SPANXN1: variants seen among roughly 807,000 people sequenced by gnomAD.
The protein encoded by SPANXN1 is SPANX family member N1, also known as sperm protein associated with the nucleus on the X chromosome N1.
A neutral mutation model predicts 2.0 loss-of-function variants in SPANXN1; 1 was observed. The ratio of observed to expected loss-of-function variants is 0.50; its 90% CI spans 0.18 to 2.36. SPANXN1 has a LOEUF of 2.36. SPANXN1 is among the 30% of genes most tolerant of loss of function. SPANXN1 has a pLI of 0.26. For synonymous variants in SPANXN1, 27 were observed against 21.3 expected, an observed-to-expected ratio of 1.27 and a Z score of -0.74; for missense variants, 55 against 51.8, an observed-to-expected ratio of 1.06 and a Z score of -0.19.
At chrX:145,253,687 C>A (rs1351454549) in intron 1 of SPANXN1, among the ~76,000 whole-genome samples, 1 of 110,853 alleles carries the variant, frequency 9.0e-6, no homozygotes, top group Admixed American at 9.6e-5. Flanking sequence ...CAGCTAGGGT[C>A]CCTATTGGGT....
chrX:145,255,413 G>A (rs2087829114), intron 1 of SPANXN1, among the ~76,000 whole-genome samples: 1 of 111,371 alleles, frequency 9.0e-6, no homozygotes, highest in African/African-American at 3.3e-5. Flanking sequence ...AACCCCCATG[G>A]GATGTTTCAC....
At chrX:145,252,426 C>T (rs1357699616) in intron 1 of SPANXN1, among the ~76,000 whole-genome samples, 1 of 110,991 alleles carries the variant, frequency 9.0e-6, no homozygotes, top group Non-Finnish European at 1.9e-5. Flanking sequence ...TAAGTCTTGT[C>T]TGTCTTCTGG....
At position 145,255,520 on chromosome X, in the gene SPANXN1, G is replaced by A; in HGVS notation, c.76-151G>A. ...CATGCTCCTCTTCTTCTTCCCCATA[G>A]ATCCCTACCCTATGATTCAACCTTG... On this transcript the variant is annotated intron_variant, in intron 1 of 1. Coordinates refer to ENST00000370493, the MANE Select transcript of SPANXN1 (RefSeq NM_001009614.3). The A allele has an allele frequency of 3.5e-6, 3 of 849,024 alleles. No individual in the cohort carries two copies. The Admixed American group carries it at 8.8e-5, about 25-fold the overall frequency. 70.0% of individuals were successfully genotyped at this position (849,024 alleles called of 1,213,427 possible).
At chrX:145,253,783 A>G (rs1402764294) in intron 1 of SPANXN1, among the ~76,000 whole-genome samples, 4 of 110,901 alleles carry the variant, frequency 3.6e-5, no homozygotes, top group African/African-American at 1.3e-4. Flanking sequence ...GGGTGAGGGT[A>G]GAGGAGAGGA....
intron 1 of SPANXN1, among the ~76,000 whole-genome samples, chrX:145,250,690 T>C (rs782532778): frequency 9.0e-6 from 1 of 111,444 alleles, no homozygotes; most frequent in Admixed American, 9.5e-5. Context: ...ATACAGGGTG[T>C]ATGCTGGAAA....
At chrX:145,253,842 G>C (rs1192146933) in intron 1 of SPANXN1, among the ~76,000 whole-genome samples, 1 of 111,354 alleles carries the variant, frequency 9.0e-6, no homozygotes, top group Non-Finnish European at 1.9e-5. Context: ...GGGAAGTACA[G>C]AAATTTCTTG....
At chrX:145,253,884 C>G (rs1480571674) in intron 1 of SPANXN1, among the ~76,000 whole-genome samples, 1 of 111,305 alleles carries the variant, frequency 9.0e-6, no homozygotes, top group Non-Finnish European at 1.9e-5. Context: ...GAAAAGGAGT[C>G]AAGTCTCTTT....
chrX:145,255,009 C>T (rs1449060313), intron 1 of SPANXN1, among the ~76,000 whole-genome samples: 1 of 109,801 alleles, frequency 9.1e-6, no homozygotes, highest in Non-Finnish European at 1.9e-5. Context: ...CAATCACCAA[C>T]CACTCCAGGT....
chrX:145,253,903 G>A (rs1556882780), intron 1 of SPANXN1, among the ~76,000 whole-genome samples: 1 of 111,427 alleles, frequency 9.0e-6, no homozygotes, highest in African/African-American at 3.3e-5. Context: ...TTTCAATATG[G>A]GAGAAGTCAG....
Position 145,256,109 on chromosome X carries a change from C to G in SPANXN1, c.*295C>G, listed in dbSNP as rs2609411. The G allele has an allele frequency of 6.6e-6, 3 of 452,866 alleles. No individual in the cohort carries two copies. The South Asian group carries it at 1.2e-4, about 18-fold the overall frequency. 37.3% of individuals were successfully genotyped at this position (452,866 alleles called of 1,213,427 possible). The stretch of plus-strand genomic sequence containing the variant: ...AGGATCTTCACAGGAGGATGAAGAC[C>G]TAGAGAAAAAGCGATCATCTAGGTC... On this transcript the variant is annotated 3_prime_UTR_variant, in exon 2 of 2. Coordinates refer to ENST00000370493, the MANE Select transcript of SPANXN1 (RefSeq NM_001009614.3).
rs782492908 is a variant in SPANXN1, at chrX:145,255,767, A to C, written c.172A>C (p.Lys58Gln). ...AACAGTATTAGCGTTTTGCTACAGG[A>C]AAGCTAAGAAAATACATTCAAATCA... ...YSTVLAFCYR[K>Q]AKKIHSNQLE... is the part of the protein sequence containing the mutation. Residue 58 changes from lysine (K) to glutamine (Q), a missense_variant, in exon 2 of 2, where the codon AAA becomes CAA. Physicochemically the swap from Lys to Gln is moderately conservative, Grantham distance 53. Transcript: ENST00000370493. 1.7e-6 allele frequency: 2 copies of C among 1,212,109 alleles called. No homozygotes were observed. The highest frequency in any genetic ancestry group is 3.5e-5 in the South Asian group (2 of 57,027).
intron 1 of SPANXN1, among the ~76,000 whole-genome samples, chrX:145,248,420 G>A (rs1327056640): frequency 9.0e-6 from 1 of 111,545 alleles, no homozygotes; most frequent in Non-Finnish European, 1.9e-5. Context: ...CTAAGAAAGG[G>A]ACCACCTGCT....
At chrX:145,249,773 A>T (rs1202486755) in intron 1 of SPANXN1, among the ~76,000 whole-genome samples, 5 of 111,207 alleles carry the variant, frequency 4.5e-5, no homozygotes, top group African/African-American at 1.6e-4. Flanking sequence ...ATTCAGACCC[A>T]GTCCCCTGGT....
At chrX:145,253,811 C>T (rs1467225650) in intron 1 of SPANXN1, among the ~76,000 whole-genome samples, 1 of 110,862 alleles carries the variant, frequency 9.0e-6, no homozygotes, top group African/African-American at 3.3e-5. Flanking sequence ...TACGTCATGC[C>T]AGGTAAGGTC....
intron 1 of SPANXN1, among the ~76,000 whole-genome samples, chrX:145,254,507 G>C (rs1285830242): frequency 8.9e-6 from 1 of 112,100 alleles, no homozygotes; most frequent in Non-Finnish European, 1.9e-5. Flanking sequence ...GTGAGTACTT[G>C]ATTCCGCCTG....
chrX:145,250,920 A>G (rs2070783161), intron 1 of SPANXN1, among the ~76,000 whole-genome samples: 1 of 111,919 alleles, frequency 8.9e-6, no homozygotes, highest in Non-Finnish European at 1.9e-5. Context: ...TTCCTGCCAG[A>G]TGAAGGCATG....
intron 1 of SPANXN1, among the ~76,000 whole-genome samples, chrX:145,249,008 T>C (rs1373794456): frequency 1.8e-5 from 2 of 110,886 alleles, no homozygotes; most frequent in South Asian, 3.9e-4. Flanking sequence ...GGCTATGAGG[T>C]GAAGGAGGGT....
intron 1 of SPANXN1, among the ~76,000 whole-genome samples, chrX:145,248,731 A>T (rs782703775): frequency 1.2e-4 from 14 of 112,061 alleles, no homozygotes; most frequent in Middle Eastern, 4.6e-3. Context: ...GGGTAGCCCC[A>T]CTGAAGGCCT....
intron 1 of SPANXN1, among the ~76,000 whole-genome samples, chrX:145,249,161 C>T (rs1460307303): frequency 5.4e-5 from 6 of 110,370 alleles, no homozygotes; most frequent in African/African-American, 2.0e-4. Flanking sequence ...GTTTATGTGG[C>T]CAGGTTGACA....
Sources: gnomAD v4.1 joint callset for allele counts (sites outside exome capture counted in the v4.1 genomes callset) on GRCh38, gnomAD v4.1.1 for gene constraint, MANE v1.5 for transcripts, NCBI Gene and HGNC (gene_info 2026-07-23, HGNC 2026-07-21) for gene names.